INSYN2B: variants seen among roughly 807,000 people sequenced by gnomAD.
The protein encoded by INSYN2B is inhibitory synaptic factor family member 2B.
In INSYN2B, 16 loss-of-function variants were observed where a neutral mutation model predicts 41.2. That is an observed-to-expected ratio of 0.39 (90% confidence interval 0.26 to 0.59). The LOEUF (loss-of-function observed/expected upper bound fraction) is 0.59, where lower values mean the gene tolerates loss of function less well. Among genes scored for constraint, INSYN2B ranks in the 20% least tolerant of loss-of-function variants. The probability of loss-of-function intolerance (pLI) is 0.57; values close to 1 mark genes in which losing one functional copy is unlikely to be tolerated. For synonymous variants in INSYN2B, 245 were observed against 244.4 expected (o/e 1.00, Z -0.02); for missense variants, 608 against 646.4 (o/e 0.94, Z 0.64).
At chr5:169,904,935 G>T (rs1055946779) in intron 1 of INSYN2B, among the ~76,000 whole-genome samples, 3 of 152,110 alleles carry the variant, frequency 2.0e-5, no homozygotes, top group African/African-American at 7.2e-5. Context: ...AGAGACCCGG[G>T]TTTGAATCCC....
chr5:169,895,372 A>G (rs1773534888), intron 1 of INSYN2B, among the ~76,000 whole-genome samples: 1 of 150,912 alleles, frequency 6.6e-6, no homozygotes, highest in South Asian at 2.1e-4. Flanking sequence ...CCCACTTCTC[A>G]CTCTCCAGGA....
intron 1 of INSYN2B, among the ~76,000 whole-genome samples, chr5:169,956,526 T>C (rs1332835385): frequency 6.6e-6 from 1 of 152,190 alleles, no homozygotes; most frequent in East Asian, 1.9e-4. Flanking sequence ...GACATGAGCT[T>C]GTAAGTGAAC....
chr5:169,969,805 C>T (rs981308080), intron 1 of INSYN2B, among the ~76,000 whole-genome samples: 1 of 152,220 alleles, frequency 6.6e-6, no homozygotes, highest in Non-Finnish European at 1.5e-5. Flanking sequence ...GAGGCCAGGC[C>T]TTGCCTGCCT....
At chr5:169,889,561 G>A (rs1386358636) in intron 1 of INSYN2B, among the ~76,000 whole-genome samples, 3 of 152,182 alleles carry the variant, frequency 2.0e-5, no homozygotes, top group Non-Finnish European at 4.4e-5. Flanking sequence ...TCCAAATTCT[G>A]CCTTACATAA....
chr5:169,977,506 GT>G (rs1777757628), intron 1 of INSYN2B, among the ~76,000 whole-genome samples: 1 of 152,226 alleles, frequency 6.6e-6, no homozygotes, highest in Non-Finnish European at 1.5e-5. Context: ...ACAGTGTGAA[GT>G]AAGGAATATT....
At chr5:169,893,385 G>A (rs1480029269) in intron 1 of INSYN2B, among the ~76,000 whole-genome samples, 1 of 151,274 alleles carries the variant, frequency 6.6e-6, no homozygotes, top group East Asian at 1.9e-4. Flanking sequence ...TATTATCTCT[G>A]TATTTCTCAG....
intron 1 of INSYN2B, among the ~76,000 whole-genome samples, chr5:169,945,491 C>A (rs991570504): frequency 6.6e-6 from 1 of 152,246 alleles, no homozygotes; most frequent in African/African-American, 2.4e-5. Flanking sequence ...GTGCCAAACA[C>A]TTTGTATGTG....
At chr5:169,864,526 C>T in intron 3 of INSYN2B, 67 bp from the exon 4 acceptor site, 1 of 1,214,262 alleles carries the variant, frequency 8.2e-7, no homozygotes, top group Non-Finnish European at 1.1e-6. Context: ...AAGCATCTCT[C>T]AGCCCCAACT....
At chr5:169,866,151 A>T (rs1462685889) in intron 3 of INSYN2B, among the ~76,000 whole-genome samples, 2 of 151,996 alleles carry the variant, frequency 1.3e-5, no homozygotes, top group African/African-American at 4.8e-5. Flanking sequence ...AGGGAGCACT[A>T]GGAAAGGGTA....
intron 1 of INSYN2B, among the ~76,000 whole-genome samples, chr5:169,890,602 A>G (rs1269860207): frequency 6.6e-6 from 1 of 152,170 alleles, no homozygotes; most frequent in East Asian, 1.9e-4. Flanking sequence ...CTAAATCTAC[A>G]TTCTGTTGTA....
chr5:169,900,431 G>A (rs1428269761), intron 1 of INSYN2B, among the ~76,000 whole-genome samples: 1 of 152,212 alleles, frequency 6.6e-6, no homozygotes, highest in African/African-American at 2.4e-5. Flanking sequence ...TATCGTGGCT[G>A]GGCGAGATAG....
intron 1 of INSYN2B, among the ~76,000 whole-genome samples, chr5:169,886,377 C>A (rs1215663839): frequency 6.6e-6 from 1 of 152,202 alleles, no homozygotes; most frequent in Non-Finnish European, 1.5e-5. Context: ...AGAATTGGTT[C>A]TATGTTTCAA....
At chr5:169,902,450 G>A (rs746741186) in intron 1 of INSYN2B, among the ~76,000 whole-genome samples, 1 of 152,174 alleles carries the variant, frequency 6.6e-6, no homozygotes, top group Non-Finnish European at 1.5e-5. Flanking sequence ...GTGCTCCAGG[G>A]GTCATGCTCT....
At position 169,885,912 on chromosome 5, in the gene INSYN2B, C is replaced by T. The variant is rs541316987; in HGVS notation, c.-918-1096G>A. Among the ~76,000 whole-genome samples, 54 of 152,228 alleles carry T rather than the reference C, an allele frequency of 3.5e-4. 1 individual carries two copies. Among genetic ancestry groups the T allele is most frequent in the Middle Eastern group, 3.4e-3 (1 of 294 alleles). On this transcript the variant is annotated intron_variant, in intron 1 of 3. Coordinates refer to ENST00000377365, the MANE Select transcript of INSYN2B (RefSeq NM_001129891.3). Reference sequence around the variant, plus strand: ...GGTGCCATTATCCCCCTTAGACTTACGGGGAAATTGAAGCTTAGAGAGGGT... The same window carrying T: ...GGTGCCATTATCCCCCTTAGACTTATGGGGAAATTGAAGCTTAGAGAGGGT...
chr5:169,905,955 C>T (rs1267320656), intron 1 of INSYN2B, among the ~76,000 whole-genome samples: 1 of 152,210 alleles, frequency 6.6e-6, no homozygotes, highest in Non-Finnish European at 1.5e-5. Context: ...CTGTTGCCTT[C>T]GTTCAGAAAG....
rs1338778941 is a variant in INSYN2B, at chr5:169,953,204, G to A, written c.-919+27073C>T. On this transcript the variant is annotated intron_variant, in intron 1 of 3. Transcript: ENST00000377365. ...TGGGTGTGGCTGGGTGTGGTGGTGGGTGCCTGTAATCCCAGCTACTCAGGA... is the reference window on the plus strand; with the variant it reads ...TGGGTGTGGCTGGGTGTGGTGGTGGATGCCTGTAATCCCAGCTACTCAGGA... Among the ~76,000 whole-genome samples the A allele has an allele frequency of 7.2e-5, 11 of 151,950 alleles. No homozygotes were observed. The East Asian group carries it at 2.1e-3, about 29-fold the overall frequency.
Position 169,883,561 on chromosome 5 carries a change from T to C in INSYN2B, c.338A>G (p.Lys113Arg). Reference protein sequence around the residue: ...LRKHFPVFKRKRLTASKSLVE... With the variant: ...LRKHFPVFKRRRLTASKSLVE... ...CAGGGACTTACTGGCTGTGAGTCTC[T>C]TCCTTTTGAAAACTGGGAAATGCTT... The change falls in exon 2 of 4, where the codon AAG becomes AGG. Residue 113 changes from lysine to arginine, a missense_variant. Physicochemically the swap from Lys to Arg is conservative, Grantham distance 26. Transcript: ENST00000377365. 6.4e-7 allele frequency: 1 copy of C among 1,551,680 alleles called. No homozygotes were observed. Among genetic ancestry groups the C allele is most frequent in the Non-Finnish European group, 8.7e-7 (1 of 1,146,962 alleles).
At chr5:169,937,355 G>A (rs147431376) in intron 1 of INSYN2B, among the ~76,000 whole-genome samples, 3 of 152,306 alleles carry the variant, frequency 2.0e-5, no homozygotes, top group East Asian at 3.9e-4. Flanking sequence ...TTCCCTGGGT[G>A]TGCAACCTTG....
At chr5:169,925,559 G>A (rs558755548) in intron 1 of INSYN2B, among the ~76,000 whole-genome samples, 8 of 127,396 alleles carry the variant, frequency 6.3e-5, no homozygotes, top group East Asian at 5.2e-4. Flanking sequence ...CAGCCTGGGC[G>A]ACAGAGCAAG....
Sources: gnomAD v4.1 joint callset for allele counts (sites outside exome capture counted in the v4.1 genomes callset) on GRCh38, gnomAD v4.1.1 for gene constraint, MANE v1.5 for transcripts, NCBI Gene and HGNC (gene_info 2026-07-23, HGNC 2026-07-21) for gene names.